The following FBXL4 variants were observed in gnomAD, a reference collection of about 807,000 sequenced individuals.
The protein encoded by FBXL4 is F-box and leucine rich repeat protein 4, also known as F-box/LRR-repeat protein 4.
A neutral mutation model predicts 58.9 loss-of-function variants in FBXL4; 40 were observed. The observed-to-expected ratio is 0.68, with a 90% CI of 0.53 to 0.88. The LOEUF (loss-of-function observed/expected upper bound fraction) is 0.88, where lower values mean the gene tolerates loss of function less well. Among genes scored for constraint, FBXL4 ranks in the 40% least tolerant of loss-of-function variants. FBXL4 has a pLI of 0.00. For synonymous variants in FBXL4, 263 were observed against 265.5 expected (o/e 0.99, Z 0.09); for missense variants, 676 against 734.4 (o/e 0.92, Z 0.92).
chr6:98,910,668 G>GA (rs1040054521), intron 5 of FBXL4, among the ~76,000 whole-genome samples: 129 of 143,018 alleles, frequency 9.0e-4, no homozygotes, highest in African/African-American at 2.8e-3. Flanking sequence ...AAAAAAAAAA[G>GA]AAAAAAAAAA....
At chr6:98,882,959 C>T (rs1156461106) in intron 7 of FBXL4, among the ~76,000 whole-genome samples, 1 of 151,980 alleles carries the variant, frequency 6.6e-6, no homozygotes, top group Non-Finnish European at 1.5e-5. Flanking sequence ...AGAGAACACA[C>T]CAGAAGGAGA....
chr6:98,917,963 T>C (rs890814360), intron 4 of FBXL4, among the ~76,000 whole-genome samples: 4 of 152,186 alleles, frequency 2.6e-5, no homozygotes, highest in Admixed American at 2.6e-4. Context: ...TTGATCAGTT[T>C]AAAAACTGGA....
At chr6:98,883,348 T>C (rs1434531487) in intron 7 of FBXL4, among the ~76,000 whole-genome samples, 1 of 152,038 alleles carries the variant, frequency 6.6e-6, no homozygotes, top group Non-Finnish European at 1.5e-5. Flanking sequence ...ATATCAGCTA[T>C]AAATACCTTC....
At chr6:98,896,024 C>G (rs1230528802) in intron 7 of FBXL4, among the ~76,000 whole-genome samples, 1 of 152,000 alleles carries the variant, frequency 6.6e-6, no homozygotes, top group Non-Finnish European at 1.5e-5. Context: ...ATTTGTAGCC[C>G]TTTTAAAACA....
intron 5 of FBXL4, among the ~76,000 whole-genome samples, chr6:98,914,195 G>T (rs1302382864): frequency 1.3e-5 from 2 of 152,144 alleles, no homozygotes; most frequent in Non-Finnish European, 2.9e-5. Flanking sequence ...ACCAAAAAGA[G>T]TCCAGGACCA....
At chr6:98,938,096 G>T (rs1773292217) in intron 1 of FBXL4, among the ~76,000 whole-genome samples, 1 of 132,178 alleles carries the variant, frequency 7.6e-6, no homozygotes. Flanking sequence ...TTCCTTGATT[G>T]GTTCTGTCAT....
Position 98,880,506 on chromosome 6 carries a change from A to T in FBXL4, c.1389+47T>A, listed in dbSNP as rs746632561. ...GGATACATTTCACCCATAGGAAGAA[A>T]AAGAGAACAAGTAATTGAGTAGTAT... On this transcript the variant is annotated intron_variant, in intron 8 of 9. Coordinates refer to ENST00000369244, the MANE Select transcript of FBXL4 (RefSeq NM_001278716.2). 703 of 1,517,566 alleles carry T rather than the reference A, an allele frequency of 4.6e-4. 1 individual carries two copies. The highest frequency in any genetic ancestry group is 1.2e-3 in the Admixed American group (71 of 59,846). The allele number at this position is 1,517,566 out of a possible 1,614,324, so 94.0% of individuals were successfully genotyped here.
intron 5 of FBXL4, among the ~76,000 whole-genome samples, chr6:98,916,091 G>A (rs889863966): frequency 3.9e-5 from 6 of 152,138 alleles, no homozygotes; most frequent in Non-Finnish European, 7.4e-5. Context: ...GGCCATCAGA[G>A]AAACGCAAAT....
intron 5 of FBXL4, 53 bp from the exon 6 acceptor site, chr6:98,905,723 T>C: frequency 6.4e-7 from 1 of 1,557,392 alleles, no homozygotes; most frequent in Non-Finnish European, 8.8e-7. Context: ...AGTATCATTC[T>C]ATGAAACATA....
At chr6:98,877,011 G>A (rs766364537) in intron 8 of FBXL4, among the ~76,000 whole-genome samples, 3 of 152,268 alleles carry the variant, frequency 2.0e-5, no homozygotes, top group East Asian at 1.9e-4. Flanking sequence ...GGGGAGGAAC[G>A]GAGAAGGAAG....
chr6:98,919,615 T>C (rs1412116149), intron 4 of FBXL4, among the ~76,000 whole-genome samples: 1 of 152,158 alleles, frequency 6.6e-6, no homozygotes, highest in African/African-American at 2.4e-5. Context: ...AGAATGTCCC[T>C]AGAGATTAAC....
intron 6 of FBXL4, among the ~76,000 whole-genome samples, chr6:98,904,340 A>T (rs1230863687): frequency 1.3e-5 from 2 of 152,202 alleles, no homozygotes; most frequent in African/African-American, 4.8e-5. Flanking sequence ...CAGTGCATCC[A>T]TGGTTTCAAC....
intron 8 of FBXL4, among the ~76,000 whole-genome samples, chr6:98,876,943 T>C (rs900911206): frequency 1.2e-4 from 18 of 152,136 alleles, no homozygotes; most frequent in African/African-American, 3.9e-4. Context: ...TATTATTATT[T>C]ACATAAAAAC....
Position 98,939,075 on chromosome 6 carries a change from CAAAAAAAAAAAA to C in FBXL4, c.-308-4208_-308-4197del, listed in dbSNP as rs3068704. ...TGGGTGACAGAGCAAGACCTTGTCT[CAAAAAAAAAAAA>C]AAAAAAAAAAAAAAAGAGAAGAGAA... On this transcript the variant is annotated intron_variant, in intron 1 of 9. Coordinates refer to ENST00000369244, the MANE Select transcript of FBXL4 (RefSeq NM_001278716.2). 5.6e-3 allele frequency among the ~76,000 whole-genome samples: 142 copies of C among 25,264 alleles called. 2 individuals carry two copies. Among genetic ancestry groups the C allele is most frequent in the Non-Finnish European group, 7.6e-3 (71 of 9,334 alleles). 16.6% of individuals were successfully genotyped at this position (25,264 alleles called of 152,430 possible).
chr6:98,877,630 T>TA (rs1770704492), intron 8 of FBXL4, among the ~76,000 whole-genome samples: 1 of 152,174 alleles, frequency 6.6e-6, no homozygotes, highest in African/African-American at 2.4e-5. Flanking sequence ...CCAAAAATAT[T>TA]AGACATATTT....
intron 6 of FBXL4, 74 bp downstream of exon 6, chr6:98,905,352 T>C: frequency 1.3e-6 from 2 of 1,518,200 alleles, no homozygotes; most frequent in Non-Finnish European, 8.9e-7. Flanking sequence ...AAACTTTTAT[T>C]ATGAAAACCA....
chr6:98,914,411 A>T (rs1295201100), intron 5 of FBXL4, among the ~76,000 whole-genome samples: 4 of 152,210 alleles, frequency 2.6e-5, no homozygotes, highest in African/African-American at 9.6e-5. Context: ...GATGCAAAAA[A>T]ATCCTCAATA....
chr6:98,893,080 CCT>C (rs1341967540), intron 7 of FBXL4, among the ~76,000 whole-genome samples: 2 of 152,152 alleles, frequency 1.3e-5, no homozygotes, highest in African/African-American at 2.4e-5. Flanking sequence ...CACTTTCACC[CCT>C]GACTCCAGAT....
At chr6:98,913,383 GCAC>G (rs1772183600) in intron 5 of FBXL4, among the ~76,000 whole-genome samples, 1 of 151,964 alleles carries the variant, frequency 6.6e-6, no homozygotes. Context: ...ATTTTTTTCA[GCAC>G]CACACCACAC....
Sources: allele counts gnomAD v4.1 joint callset (sites outside exome capture counted in the v4.1 genomes callset), GRCh38; gene constraint gnomAD v4.1.1; transcripts MANE v1.5; gene names NCBI Gene and HGNC (gene_info 2026-07-23, HGNC 2026-07-21).